VWA7: variants seen among roughly 807,000 people sequenced by gnomAD.
VWA7 encodes the protein von Willebrand factor A domain containing 7.
A neutral mutation model predicts 83.1 loss-of-function variants in VWA7; 66 were observed. The observed-to-expected ratio is 0.79, with a 90% CI of 0.65 to 0.98. VWA7 has a LOEUF of 0.98. VWA7 is among the 50% of genes least tolerant of loss of function. The pLI, the probability that VWA7 is intolerant of heterozygous loss-of-function variation, is 0.00. For missense variants in VWA7, 1,080 were observed against 1,160.2 expected (o/e 0.93, Z 1.00); for synonymous variants, 424 against 488.5 (o/e 0.87, Z 1.74).
rs188181884 is a variant in VWA7 at position 31,766,112 on chromosome 6, C to T, written c.2325-55G>A. The T allele has an allele frequency of 6.2e-6, 10 of 1,602,884 alleles. No homozygotes were observed. The highest frequency in any genetic ancestry group is 2.7e-5 in the African/African-American group (2 of 74,698). On this transcript the variant is annotated intron_variant, in intron 15 of 16. Transcript: ENST00000375688. This position sits in a 1 kb window ranked among gnomAD's most constrained non-coding sequence, Gnocchi z 4.9. Reference sequence around the variant, plus strand: ...CTCCAGGCTGCCCAGAGCCTAGAGTCGGGACGCCTGCAGGGGCACGGGAGC... The same window carrying T: ...CTCCAGGCTGCCCAGAGCCTAGAGTTGGGACGCCTGCAGGGGCACGGGAGC...
Position 31,775,518 on chromosome 6 carries a change from C to T in VWA7, c.514-89G>A. On this transcript the variant is annotated intron_variant, in intron 3 of 16. Transcript: ENST00000375688. The surrounding 1 kb of genome is among the most constrained non-coding windows in gnomAD (Gnocchi z 5.9). ...ACTAATATGCCACTCCTTTGAGTTC[C>T]CCATCCCGAAAGTCCCCTCCCACCC... 8.1e-7 allele frequency: 1 copy of T among 1,241,270 alleles called. No homozygotes were observed. Among genetic ancestry groups the T allele is most frequent in the Non-Finnish European group, 1.1e-6 (1 of 890,886 alleles). 76.9% of individuals were successfully genotyped at this position (1,241,270 alleles called of 1,614,324 possible). A position where few individuals can be genotyped will look rare whatever the true frequency, so the allele number is the denominator to read the frequency against.
chr6:31,769,469 A>G lies in VWA7; in HGVS notation c.1317+206T>C, dbSNP rs181015863. ...TTGTTTATTAGGCAGGGTCAAATAA[A>G]AATTCAGCGTTATTAAGGGTAGGGC... is the stretch of plus-strand genomic sequence containing the variant. On this transcript the variant is annotated intron_variant, in intron 9 of 16. Transcript: ENST00000375688. The surrounding 1 kb of genome is among the most constrained non-coding windows in gnomAD (Gnocchi z 4.5). Among the ~76,000 whole-genome samples, 26 of 152,324 alleles carry G rather than the reference A, an allele frequency of 1.7e-4. No homozygotes were observed. Among genetic ancestry groups the G allele is most frequent in the Middle Eastern group, 3.4e-3 (1 of 294 alleles).
At position 31,776,717 on chromosome 6, in the gene VWA7, C is replaced by T; in HGVS notation, c.63G>A (p.Leu21=). Reference sequence around the variant, plus strand: ...AGAAGGCAGATGTGGGGGGCAGCAACAGCTGCAGCAGAAGCAACGCTGAGG... The same window carrying T: ...AGAAGGCAGATGTGGGGGGCAGCAATAGCTGCAGCAGAAGCAACGCTGAGG... ...PGPSALLLLQ[L]LLPPTSAFFP... Residue 21 remains leucine, a synonymous_variant, in exon 2 of 17, where the codon CTG becomes CTA. Transcript: ENST00000375688. The surrounding 1 kb of genome is among the most constrained non-coding windows in gnomAD (Gnocchi z 6.2). 3.4e-6 allele frequency: 5 copies of T among 1,487,896 alleles called. No homozygotes were observed. The South Asian group carries it at 3.9e-5, about 12-fold the overall frequency. 92.2% of individuals were successfully genotyped at this position (1,487,896 alleles called of 1,614,324 possible). A position where few individuals can be genotyped will look rare whatever the true frequency, so the allele number is the denominator to read the frequency against.
rs947358682 is a variant in VWA7, at chr6:31,776,562, C to T, written c.218G>A (p.Arg73His). 13 of 1,547,448 alleles carry T rather than the reference C, an allele frequency of 8.4e-6. No individual in the cohort carries two copies. The highest frequency in any genetic ancestry group is 6.0e-5 in the South Asian group (5 of 83,636). The change falls in exon 2 of 17, where the codon CGT (arginine) becomes CAT (histidine). Residue 73 changes from arginine (R) to histidine (H), a missense_variant. Physicochemically the swap from Arg to His is conservative, Grantham distance 29. Coordinates refer to ENST00000375688, the MANE Select transcript of VWA7 (RefSeq NM_025258.3). The surrounding 1 kb of genome is among the most constrained non-coding windows in gnomAD (Gnocchi z 6.2). ...GATGCTCACCAGGAAGTCCTCAAGACGAAGAGGGGGGCGGCCTGGGGGTGG... is the reference window on the plus strand; with the variant it reads ...GATGCTCACCAGGAAGTCCTCAAGATGAAGAGGGGGGCGGCCTGGGGGTGG... ...EQPPPGRPPL[R>H]LEDFLGRTLL...
Position 31,767,704 on chromosome 6 carries a change from C to T in VWA7, c.1554G>A (p.Val518=). The change falls in exon 11 of 17, where the codon GTG becomes GTA. Residue 518 remains valine (V), a synonymous_variant. Coordinates refer to ENST00000375688, the MANE Select transcript of VWA7 (RefSeq NM_025258.3). ...PPVVVPGQPL[V]FSVDGLLQKI... ...TCTGGAGCAGCCCATCCACGCTGAA[C>T]ACAAGTGGCTGCCCAGGCACCACAA... 1 of 1,613,244 alleles carries T rather than the reference C, an allele frequency of 6.2e-7. No homozygotes were observed. Among genetic ancestry groups the T allele is most frequent in the Non-Finnish European group, 8.5e-7 (1 of 1,179,226 alleles).
rs1456552872 is a variant in VWA7, at chr6:31,773,224, C to T, written c.917+18G>A. The T allele has an allele frequency of 3.8e-6, 6 of 1,595,972 alleles. No homozygotes were observed. The highest frequency in any genetic ancestry group is 5.1e-6 in the Non-Finnish European group (6 of 1,171,674). On this transcript the variant is annotated intron_variant, in intron 6 of 16. Transcript: ENST00000375688. This position sits in a 1 kb window ranked among gnomAD's most constrained non-coding sequence, Gnocchi z 5.3. ...AGCGCCTCCCCATGAAGGGGTCCAT[C>T]CCCAGGAGGCCACTCACCTGGAGAA...
chr6:31,772,551 C>CT (rs1465323578), intron 7 of VWA7, among the ~76,000 whole-genome samples: 3 of 136,094 alleles, frequency 2.2e-5, no homozygotes, highest in African/African-American at 5.5e-5. Context: ...TATCCCTTAC[C>CT]TTTTTATCTT....
At chr6:31,768,900 T>C in intron 10 of VWA7, 118 bp downstream of exon 10, 13 of 1,166,262 alleles carry the variant, frequency 1.1e-5, no homozygotes, top group Non-Finnish European at 1.5e-5. Context: ...CTTCCTTTCC[T>C]GCCCCGTGAC....
At position 31,765,600 on chromosome 6, in the gene VWA7, G is replaced by A. The variant is rs1472704336; in HGVS notation, c.2670C>T (p.Ser890=). 1.9e-6 allele frequency: 3 copies of A among 1,610,694 alleles called. No individual in the cohort carries two copies. Among genetic ancestry groups the A allele is most frequent in the African/African-American group, 1.3e-5 (1 of 74,878 alleles). Residue 890 remains serine, a synonymous_variant, in exon 17 of 17, where the codon TCC becomes TCT. Transcript: ENST00000375688. Reference sequence around the variant, plus strand: ...CCCTTTAGAGCCCGTTGTGTCACCAGGAGGCCAGGCCTAGCAGAAGCAGCA... The same window carrying A: ...CCCTTTAGAGCCCGTTGTGTCACCAAGAGGCCAGGCCTAGCAGAAGCAGCA... The part of the protein sequence containing the change: ...GGVLLLLGLA[S]W
At chr6:31,774,648 A>G in intron 4 of VWA7, 22 bp from the exon 5 acceptor site, 1 of 1,599,148 alleles carries the variant, frequency 6.3e-7, no homozygotes. Context: ...GGGCAGGGCT[A>G]GAACCCAAGA....
chr6:31,775,374 T>C lies in VWA7; in HGVS notation c.569A>G (p.His190Arg). Residue 190 changes from histidine to arginine, a missense_variant, in exon 4 of 17, where the codon CAC becomes CGC. Transcript: ENST00000375688. This position sits in a 1 kb window ranked among gnomAD's most constrained non-coding sequence, Gnocchi z 5.9. ...VELGEQQPHP[H>R]LLWPRQELQN... ...GAGCTCCTGCCTTGGCCAGAGGAGG[T>C]GAGGGTGTGGCTGCTGCTCGCCCAG... 6.2e-7 allele frequency: 1 copy of C among 1,612,378 alleles called. No individual in the cohort carries two copies. Among genetic ancestry groups the C allele is most frequent in the African/African-American group, 1.3e-5 (1 of 74,874 alleles).
In VWA7 at chr6:31,766,984, A is replaced by C. The variant is rs1223372919; in HGVS notation, c.1882+174T>G. Among the ~76,000 whole-genome samples the C allele has an allele frequency of 6.6e-6, 1 of 151,344 alleles. No individual in the cohort carries two copies. The highest frequency in any genetic ancestry group is 1.5e-5 in the Non-Finnish European group (1 of 67,938). On this transcript the variant is annotated intron_variant, in intron 13 of 16. Transcript: ENST00000375688. This position sits in a 1 kb window ranked among gnomAD's most constrained non-coding sequence, Gnocchi z 4.9. Reference sequence around the variant, plus strand: ...TATTATATGAAATCCATCAAACTGTACACTTTAGTGCACATTATGTAAATT... The same window carrying C: ...TATTATATGAAATCCATCAAACTGTCCACTTTAGTGCACATTATGTAAATT...
Position 31,776,641 on chromosome 6 carries a change from C to T in VWA7, c.139G>A (p.Asp47Asn). ...TTGAGCGCTGCCTCCTCAGTTAGGT[C>T]TTGGTGGGTGATGGAGCCAGGGGCA... ...LAAPGSITHQ[D>N]LTEEAALNVT... Residue 47 changes from aspartate to asparagine, a missense_variant, in exon 2 of 17, where the codon GAC (aspartate) becomes AAC (asparagine). Asp to Asn is a conservative substitution (Grantham distance 23). Transcript: ENST00000375688. The surrounding 1 kb of genome is among the most constrained non-coding windows in gnomAD (Gnocchi z 6.2). The T allele has an allele frequency of 1.3e-6, 2 of 1,548,134 alleles. No individual in the cohort carries two copies. The highest frequency in any genetic ancestry group is 1.7e-6 in the Non-Finnish European group (2 of 1,145,586).
intron 7 of VWA7, among the ~76,000 whole-genome samples, chr6:31,772,702 C>T (rs1812314956): frequency 1.4e-5 from 2 of 140,562 alleles, no homozygotes; most frequent in Non-Finnish European, 3.0e-5. Flanking sequence ...TGGGTTCAAG[C>T]GATTCTCCTG....
rs1562263252 is a variant in VWA7, at chr6:31,766,355, C to T, written c.2214G>A (p.Pro738=). 6 of 1,605,478 alleles carry T rather than the reference C, an allele frequency of 3.7e-6. No homozygotes were observed. The highest frequency in any genetic ancestry group is 1.3e-5 in the African/African-American group (1 of 75,002). Residue 738 remains proline (P), a synonymous_variant, in exon 15 of 17, where the codon CCG becomes CCA. Transcript: ENST00000375688. The surrounding 1 kb of genome is among the most constrained non-coding windows in gnomAD (Gnocchi z 4.9). ...ELSGPSGFLA[P]GSKVPLSLRI... ...GGAGACTGAGCGGGACTTTGCTGCC[C>T]GGGGCCAAGAAACCCGAGGGGCCAC...
At chr6:31,772,579 C>CTTTTTTTTTTTTTTTTTT (rs1330466630) in intron 7 of VWA7, among the ~76,000 whole-genome samples, 1 of 72,002 alleles carries the variant, frequency 1.4e-5, no homozygotes, top group Non-Finnish European at 2.7e-5. Context: ...TTTTTTCTTT[C>CTTTTTTTTTTTTTTTTTT]TTTTCTTTTT....
In VWA7 at chr6:31,776,037, G is replaced by C; in HGVS notation, c.440C>G (p.Thr147Ser). The change falls in exon 3 of 17, where the codon ACC becomes AGC. Residue 147 changes from threonine to serine, a missense_variant. Physicochemically the swap from Thr to Ser is moderately conservative, Grantham distance 58 (BLOSUM62 1). Transcript: ENST00000375688. The surrounding 1 kb of genome is among the most constrained non-coding windows in gnomAD (Gnocchi z 6.2). ...RARLVGALRE[T>S]VVAARALDHT... ...GTCAAGGGCCCTGGCTGCCACCACG[G>C]TCTCCCGCAGAGCCCCTACCAGGCG... 6.2e-7 allele frequency: 1 copy of C among 1,613,604 alleles called. No individual in the cohort carries two copies. The highest frequency in any genetic ancestry group is 8.5e-7 in the Non-Finnish European group (1 of 1,180,020).
At position 31,776,320 on chromosome 6, in the gene VWA7, C is replaced by G; in HGVS notation, c.235-78G>C. ...TTGCCCACCTTATCTCAGCAACTGACACTCAAGGCTGGGTATGAGGGTCCT... is the reference window on the plus strand; with the variant it reads ...TTGCCCACCTTATCTCAGCAACTGAGACTCAAGGCTGGGTATGAGGGTCCT... On this transcript the variant is annotated intron_variant, in intron 2 of 16. Coordinates refer to ENST00000375688, the MANE Select transcript of VWA7 (RefSeq NM_025258.3). This position sits in a 1 kb window ranked among gnomAD's most constrained non-coding sequence, Gnocchi z 6.2. 6.5e-7 allele frequency: 1 copy of G among 1,546,778 alleles called. No individual in the cohort carries two copies. The highest frequency in any genetic ancestry group is 8.7e-7 in the Non-Finnish European group (1 of 1,145,496).
At chr6:31,772,367 G>A (rs1217436652) in intron 7 of VWA7, among the ~76,000 whole-genome samples, 1 of 151,726 alleles carries the variant, frequency 6.6e-6, no homozygotes, top group Non-Finnish European at 1.5e-5. Flanking sequence ...GCCCAGGTTG[G>A]TCTTGAAATC....
Sources: gnomAD v4.1 joint callset for allele counts (sites outside exome capture counted in the v4.1 genomes callset) on GRCh38, gnomAD v4.1.1 for gene constraint, Gnocchi (gnomAD v3.1) non-coding constraint, MANE v1.5 for transcripts, NCBI Gene and HGNC (gene_info 2026-07-23, HGNC 2026-07-21) for gene names.